Variants in RDX observed in about 807,000 individuals in gnomAD.
RDX encodes deafness, autosomal recessive 24.
In RDX, 32 loss-of-function variants were observed where a neutral mutation model predicts 83.7. That is an observed-to-expected ratio of 0.38 (90% CI 0.29 to 0.51). The LOEUF (loss-of-function observed/expected upper bound fraction) is 0.51, where lower values mean the gene tolerates loss of function less well. Among genes scored for constraint, RDX ranks in the 20% least tolerant of loss-of-function variants. RDX has a pLI of 0.87. For synonymous variants in RDX, 229 were observed against 222.7 expected, an observed-to-expected ratio of 1.03 and a Z score of -0.25; for missense variants, 600 against 689.9, an observed-to-expected ratio of 0.87 and a Z score of 1.46.
intron 1 of RDX, among the ~76,000 whole-genome samples, chr11:110,283,089 G>C (rs1452441003): frequency 6.6e-6 from 1 of 152,034 alleles, no homozygotes. Flanking sequence ...AATATTAAGA[G>C]GCTCGAATAA....
At position 110,233,309 on chromosome 11, in the gene RDX, T is replaced by C. The variant is rs1591133028; in HGVS notation, c.1515A>G (p.Val505=). The part of the protein sequence containing the change: ...EASAELSNEG[V]MNHRSEEERV... ...GTTCTTCCTCGCTTCTATGGTTCATTACCCCTTCATTTGATAATTCAGCAC... is the reference window on the plus strand; with the variant it reads ...GTTCTTCCTCGCTTCTATGGTTCATCACCCCTTCATTTGATAATTCAGCAC... The change falls in exon 13 of 14, where the codon GTA becomes GTG. Residue 505 remains valine, a synonymous_variant. Transcript: ENST00000645495. 1 of 1,614,152 alleles carries C rather than the reference T, an allele frequency of 6.2e-7. No individual in the cohort carries two copies. The highest frequency in any genetic ancestry group is 8.5e-7 in the Non-Finnish European group (1 of 1,180,022).
chr11:110,276,164 A>C (rs914491162), intron 2 of RDX, among the ~76,000 whole-genome samples: 3 of 152,094 alleles, frequency 2.0e-5, no homozygotes, highest in Non-Finnish European at 4.4e-5. Flanking sequence ...TTTGATTTTC[A>C]CAATTTTCAA....
chr11:110,239,845 A>T (rs919987889), intron 10 of RDX, among the ~76,000 whole-genome samples: 3 of 151,806 alleles, frequency 2.0e-5, no homozygotes, highest in Non-Finnish European at 2.9e-5. Context: ...TGTTTTTAAA[A>T]AAAAAAAAAA....
chr11:110,215,675 T>C (rs955260546), intron 14 of RDX, among the ~76,000 whole-genome samples: 3 of 152,204 alleles, frequency 2.0e-5, no homozygotes, highest in African/African-American at 7.2e-5. Flanking sequence ...CACTTTGAGT[T>C]ATGCAGACAA....
At chr11:110,205,784 T>C (rs1452729873) in intron 14 of RDX, among the ~76,000 whole-genome samples, 2 of 152,190 alleles carry the variant, frequency 1.3e-5, no homozygotes, top group African/African-American at 2.4e-5. Flanking sequence ...AGCCTTACTT[T>C]AGGAAACAAT....
At chr11:110,259,567 CTTA>C (rs984753854) in intron 5 of RDX, among the ~76,000 whole-genome samples, 2 of 152,188 alleles carry the variant, frequency 1.3e-5, no homozygotes, top group African/African-American at 4.8e-5. Context: ...CTGTTATGTT[CTTA>C]TTATACTCTG....
At chr11:110,250,071 A>T (rs1859264022) in intron 9 of RDX, among the ~76,000 whole-genome samples, 1 of 152,140 alleles carries the variant, frequency 6.6e-6, no homozygotes, top group East Asian at 1.9e-4. Context: ...TCAATTTATA[A>T]AGCATATACA....
chr11:110,214,956 C>G (rs2134263620), intron 14 of RDX, among the ~76,000 whole-genome samples: 1 of 128,338 alleles, frequency 7.8e-6, no homozygotes, highest in Middle Eastern at 4.8e-3. Context: ...CTAACCTGCA[C>G]AATGTGCACT....
chr11:110,234,901 T>A (rs1864780300), intron 12 of RDX, among the ~76,000 whole-genome samples: 1 of 152,238 alleles, frequency 6.6e-6, no homozygotes, highest in South Asian at 2.1e-4. Flanking sequence ...AATATCATCT[T>A]TGGGGGTAAA....
intron 5 of RDX, 39 bp from the exon 6 acceptor site, chr11:110,258,228 T>C (rs1270721277): frequency 7.4e-7 from 1 of 1,344,036 alleles, no homozygotes; most frequent in Non-Finnish European, 1.0e-6. Flanking sequence ...ATAATGACTT[T>C]AAGATTCAAA....
intron 14 of RDX, among the ~76,000 whole-genome samples, chr11:110,209,441 T>C (rs1198041634): frequency 2.0e-5 from 3 of 152,094 alleles, no homozygotes; most frequent in Admixed American, 1.3e-4. Flanking sequence ...CAGGCTTGAT[T>C]AGGTAAACAA....
Position 110,232,031 on chromosome 11 carries a change from T to C in RDX, c.1590A>G (p.Ala530=). 1.9e-6 allele frequency: 3 copies of C among 1,610,360 alleles called. No homozygotes were observed. The highest frequency in any genetic ancestry group is 4.5e-5 in the East Asian group (2 of 44,862). ...TGGCTTGGGCTAATTCTGAACTTAA[T>C]GCCTATTTAAAAAATAAAAAGTACA... is the stretch of plus-strand genomic sequence containing the variant. ...KNERVKKQLQ[A]LSSELAQARD... Residue 530 remains alanine, a splice_region_variant and synonymous_variant, in exon 14 of 14, where the codon GCA becomes GCG. Transcript: ENST00000645495.
chr11:110,235,987 T>C, intron 12 of RDX, 112 bp downstream of exon 12: 2 of 789,144 alleles, frequency 2.5e-6, no homozygotes, highest in Non-Finnish European at 4.4e-6. Context: ...ATAACACGAG[T>C]ATCTTTCCCA....
chr11:110,273,055 T>A (rs1043702984), intron 2 of RDX: 1 of 456,224 alleles, frequency 2.2e-6, no homozygotes, highest in Non-Finnish European at 4.4e-6. Flanking sequence ...AGCAAGACTA[T>A]GAAAAATTTA....
chr11:110,215,013 A>T (rs1470352671), intron 14 of RDX, among the ~76,000 whole-genome samples: 1 of 141,416 alleles, frequency 7.1e-6, no homozygotes, highest in Non-Finnish European at 1.5e-5. Context: ...GAAAAAAATA[A>T]AAAAAACATT....
chr11:110,199,788 CTT>C (rs1863339930), intron 14 of RDX: 2 of 691,724 alleles, frequency 2.9e-6, no homozygotes, highest in Non-Finnish European at 5.3e-6. Flanking sequence ...TCAGGGCGCT[CTT>C]GTCAGCCTGG....
At chr11:110,243,895 A>C (rs1865198345) in intron 10 of RDX, among the ~76,000 whole-genome samples, 1 of 152,160 alleles carries the variant, frequency 6.6e-6, no homozygotes, top group Non-Finnish European at 1.5e-5. Context: ...GGAGAAATCA[A>C]ATTTGCTGGT....
intron 2 of RDX, among the ~76,000 whole-genome samples, chr11:110,279,070 T>C (rs138943503): frequency 1.7e-3 from 257 of 152,330 alleles, no homozygotes; most frequent in African/African-American, 5.7e-3. Flanking sequence ...CTAAAATGCA[T>C]AGATCTTCCT....
At chr11:110,227,315 CA>C (rs1864467399), downstream of RDX, among the ~76,000 whole-genome samples, 3 of 152,118 alleles carry the variant, frequency 2.0e-5, no homozygotes, top group South Asian at 6.2e-4. Flanking sequence ...ATTCTGATCG[CA>C]TATTACCACT....
Sources: gnomAD v4.1 joint callset for allele counts (sites outside exome capture counted in the v4.1 genomes callset) on GRCh38, gnomAD v4.1.1 for gene constraint, MANE v1.5 for transcripts, NCBI Gene and HGNC (gene_info 2026-07-23, HGNC 2026-07-21) for gene names.